Variants in LGR6 observed in about 807,000 individuals in gnomAD.
LGR6 encodes leucine-rich repeat-containing G protein-coupled receptor 6.
A neutral mutation model predicts 69.4 loss-of-function variants in LGR6; 45 were observed. That is an observed-to-expected ratio of 0.65 (90% CI 0.51 to 0.83). The LOEUF is 0.83. Ranked by LOEUF, LGR6 falls within the 40% of genes least tolerant of loss-of-function variation. The pLI, the probability that LGR6 is intolerant of heterozygous loss-of-function variation, is 0.00. For synonymous variants in LGR6, 538 were observed against 555.0 expected, an observed-to-expected ratio of 0.97 and a Z score of 0.43; for missense variants, 1,108 against 1,246.7, an observed-to-expected ratio of 0.89 and a Z score of 1.68.
chr1:202,260,778 A>AT (rs971642371), intron 4 of LGR6, among the ~76,000 whole-genome samples: 2 of 152,030 alleles, frequency 1.3e-5, no homozygotes, highest in African/African-American at 4.8e-5. Flanking sequence ...TAACTAATAT[A>AT]TTTTTTTGTG....
At chr1:202,301,099 T>C (rs140481467) in intron 8 of LGR6, 65 bp from the exon 9 acceptor site, 7 of 1,473,514 alleles carry the variant, frequency 4.8e-6, no homozygotes, top group Admixed American at 1.7e-5. Context: ...AAAGCAGAGA[T>C]TGGCCTTAAT....
intron 4 of LGR6, among the ~76,000 whole-genome samples, chr1:202,270,853 C>T (rs1665038209): frequency 6.6e-6 from 1 of 152,192 alleles, no homozygotes; most frequent in South Asian, 2.1e-4. Flanking sequence ...ACACCACATG[C>T]CCCTTGGGAC....
chr1:202,205,969 A>ACACACACACACAC (rs1553238579), intron 1 of LGR6, among the ~76,000 whole-genome samples: 24 of 149,108 alleles, frequency 1.6e-4, no homozygotes, highest in African/African-American at 5.9e-4. Context: ...ACAGACACAC[A>ACACACACACACAC]ACACACACAC....
intron 6 of LGR6, among the ~76,000 whole-genome samples, chr1:202,286,732 T>TA (rs1277542421): frequency 6.6e-6 from 1 of 152,310 alleles, no homozygotes; most frequent in Admixed American, 6.5e-5. Flanking sequence ...TTGCTCCATA[T>TA]AAAAATTTTT....
intron 10 of LGR6, among the ~76,000 whole-genome samples, chr1:202,303,740 A>G (rs2148272536): frequency 6.6e-6 from 1 of 152,320 alleles, no homozygotes; most frequent in East Asian, 1.9e-4. Flanking sequence ...CTCCTGTGGC[A>G]TAGAGGGCAG....
chr1:202,300,804 A>G (rs770198053), intron 7 of LGR6, 45 bp from the exon 8 acceptor site: 7 of 1,452,286 alleles, frequency 4.8e-6, no homozygotes, highest in East Asian at 4.5e-5. Context: ...CTCCCTCTCT[A>G]TACCTTTCTC....
At chr1:202,205,897 C>G (rs1659204235) in intron 1 of LGR6, among the ~76,000 whole-genome samples, 1 of 149,602 alleles carries the variant, frequency 6.7e-6, no homozygotes, top group Non-Finnish European at 1.5e-5. Flanking sequence ...CACACACACA[C>G]CTAACACACA....
chr1:202,315,292 C>T (rs1298746776), intron 17 of LGR6, among the ~76,000 whole-genome samples: 2 of 152,180 alleles, frequency 1.3e-5, no homozygotes, highest in Non-Finnish European at 2.9e-5. Context: ...GTCACCTTCT[C>T]CATCCCTCCC....
intron 4 of LGR6, among the ~76,000 whole-genome samples, chr1:202,249,207 G>A (rs933470401): frequency 1.4e-4 from 21 of 152,150 alleles, no homozygotes; most frequent in African/African-American, 5.1e-4. Flanking sequence ...CTGATAAGGT[G>A]CTTTCCAGCC....
At chr1:202,208,633 C>T (rs1044730139) in intron 1 of LGR6, among the ~76,000 whole-genome samples, 2 of 152,086 alleles carry the variant, frequency 1.3e-5, no homozygotes, top group African/African-American at 4.8e-5. Context: ...TGCCTACCCC[C>T]CCGCCAGCCG....
chr1:202,305,642 GCCA>G, intron 11 of LGR6, 39 bp from the exon 12 acceptor site: 1 of 1,573,478 alleles, frequency 6.4e-7, no homozygotes, highest in Non-Finnish European at 8.7e-7. Context: ...CCCTCAGATA[GCCA>G]CCATTTCACC....
intron 6 of LGR6, among the ~76,000 whole-genome samples, chr1:202,283,602 G>A (rs1666177389): frequency 2.0e-5 from 3 of 152,212 alleles, no homozygotes; most frequent in Admixed American, 6.5e-5. Flanking sequence ...CTCCTCTGCA[G>A]ACTCCTCTAA....
At position 202,319,202 on chromosome 1, in the gene LGR6, G is replaced by A. The variant is rs139983211; in HGVS notation, c.2899G>A (p.Val967Met). The change falls in exon 18 of 18, where the codon GTG (valine) becomes ATG (methionine). Residue 967 changes from valine to methionine, a missense_variant. Physicochemically the swap from Val to Met is conservative, Grantham distance 21 (BLOSUM62 1). Transcript: ENST00000367278. ...QPSGLAFASH[V>M] ...CTCTGGCTTGGCCTTTGCTTCACAC[G>A]TGTAAATATCCCTCCCCATTCTTCT... 101 of 1,590,016 alleles carry A rather than the reference G, an allele frequency of 6.4e-5. 1 individual carries two copies. Among genetic ancestry groups the A allele is most frequent in the Admixed American group, 3.9e-4 (22 of 56,686 alleles).
intron 1 of LGR6, 33 bp downstream of exon 1, chr1:202,194,234 T>TG (rs773383009): frequency 4.1e-6 from 6 of 1,475,192 alleles, no homozygotes; most frequent in Non-Finnish European, 5.4e-6. Context: ...CGCCTGGTCC[T>TG]GCGGGCTGCT....
At chr1:202,204,721 C>A (rs1659032503) in intron 1 of LGR6, among the ~76,000 whole-genome samples, 1 of 133,556 alleles carries the variant, frequency 7.5e-6, no homozygotes, top group East Asian at 2.4e-4. Context: ...CTAACACACA[C>A]CTCCTTCAAA....
At chr1:202,228,938 T>C (rs1317777573) in intron 3 of LGR6, among the ~76,000 whole-genome samples, 1 of 152,182 alleles carries the variant, frequency 6.6e-6, no homozygotes, top group African/African-American at 2.4e-5. Flanking sequence ...AGGTCTCCTT[T>C]GTACAGTTGA....
chr1:202,243,443 T>TG (rs1417882448), intron 4 of LGR6, among the ~76,000 whole-genome samples: 3 of 152,218 alleles, frequency 2.0e-5, no homozygotes, highest in African/African-American at 7.2e-5. Context: ...CTTCTGAGGC[T>TG]GGTCATGCCT....
intron 16 of LGR6, among the ~76,000 whole-genome samples, chr1:202,314,340 CCCCTAGTTCACT>C (rs1161292344): frequency 6.6e-6 from 1 of 152,172 alleles, no homozygotes; most frequent in Non-Finnish European, 1.5e-5. Flanking sequence ...GCTCTCCCAC[CCCCTAGTTCACT>C]CGTTCACGTC....
At chr1:202,315,187 C>T (rs1323442161) in intron 17 of LGR6, among the ~76,000 whole-genome samples, 1 of 152,176 alleles carries the variant, frequency 6.6e-6, no homozygotes, top group Non-Finnish European at 1.5e-5. Context: ...TGCCTTGACC[C>T]CATTGCTCAG....
Sources: allele counts gnomAD v4.1 joint callset (sites outside exome capture counted in the v4.1 genomes callset), GRCh38; gene constraint gnomAD v4.1.1; transcripts MANE v1.5; gene names NCBI Gene and HGNC (gene_info 2026-07-23, HGNC 2026-07-21).